Variants in TSC2 observed in about 807,000 individuals in gnomAD.
The protein encoded by TSC2 is TSC complex subunit 2, also known as tuberin.
A neutral mutation model predicts 202.2 loss-of-function variants in TSC2; 29 were observed. That is an observed-to-expected ratio of 0.14 (90% confidence interval 0.11 to 0.20). The LOEUF (loss-of-function observed/expected upper bound fraction) is 0.20, where lower values mean the gene tolerates loss of function less well. Among genes scored for constraint, TSC2 ranks in the 10% least tolerant of loss-of-function variants. The probability of loss-of-function intolerance (pLI) is 1.00; values close to 1 mark genes in which losing one functional copy is unlikely to be tolerated. For missense variants in TSC2, 2,429 were observed against 2,420.0 expected (o/e 1.00, Z -0.08); for synonymous variants, 1,349 against 1,044.0 (o/e 1.29, Z -5.63).
chr16:2,084,152 A>G, intron 33 of TSC2, 76 bp from the exon 34 acceptor site: 27 of 1,548,896 alleles, frequency 1.7e-5, no homozygotes, highest in Non-Finnish European at 2.3e-5. Flanking sequence ...ATAGGGCCTC[A>G]CCACCTCCAG....
At chr16:2,058,349 C>G (rs1472275099) in intron 9 of TSC2, among the ~76,000 whole-genome samples, 1 of 152,254 alleles carries the variant, frequency 6.6e-6, no homozygotes, top group Non-Finnish European at 1.5e-5. Context: ...AGCGTGGTCA[C>G]TGACTCCCCC....
Position 2,086,885 on chromosome 16 carries a change from C to T in TSC2, c.4989+14C>T, listed in dbSNP as rs187363476. The T allele has an allele frequency of 2.6e-5, 41 of 1,570,464 alleles. No individual in the cohort carries two copies. Among genetic ancestry groups the T allele is most frequent in the Middle Eastern group, 1.9e-4 (1 of 5,140 alleles). ...GGCACCATCAAGGTGAGTGAGGGGC[C>T]GTCAGTGAGGCTGGGCCCCAGGCAG... On this transcript the variant is annotated intron_variant, in intron 38 of 41. Transcript: ENST00000219476.
chr16:2,070,616 C>G (rs761531032), intron 17 of TSC2, 38 bp downstream of exon 17: 2 of 1,612,332 alleles, frequency 1.2e-6, no homozygotes, highest in Non-Finnish European at 1.7e-6. Flanking sequence ...TTCCTGGGGG[C>G]CCAGCCAGGT....
intron 3 of TSC2, among the ~76,000 whole-genome samples, chr16:2,050,775 G>A (rs1389848446): frequency 6.6e-6 from 1 of 151,850 alleles, no homozygotes; most frequent in South Asian, 2.1e-4. Context: ...TTTTAGTAGA[G>A]ACGGGGTTTC....
rs775002578 is a variant in TSC2, at chr16:2,079,515, C to T, written c.3285-42C>T. On this transcript the variant is annotated intron_variant, in intron 28 of 41. Transcript: ENST00000219476. The surrounding 1 kb of genome is among the most constrained non-coding windows in gnomAD (Gnocchi z 4.6). ...GCCCACGTGGCACCCTCGTACCAGC[C>T]TGGGGACTAAGTCCACCCTGTGCGT... The T allele has an allele frequency of 1.2e-6, 2 of 1,605,944 alleles. No homozygotes were observed. The highest frequency in any genetic ancestry group is 2.7e-5 in the African/African-American group (2 of 74,828).
chr16:2,076,532 C>T lies in TSC2; in HGVS notation c.2784C>T (p.Pro928=), dbSNP rs45517267. The change falls in exon 25 of 42, where the codon CCC becomes CCT. Residue 928 remains proline, a synonymous_variant. Coordinates refer to ENST00000219476, the MANE Select transcript of TSC2 (RefSeq NM_000548.5). ...TCCTCTTGTCTTTTGATGACACCCC[C>T]GAGAAGGACAGCTTCAGGGCCCGGA... ...SNVLLSFDDT[P]EKDSFRARST... 2.0e-4 allele frequency: 316 copies of T among 1,613,526 alleles called. No homozygotes were observed. In the African/African-American group the frequency reaches 3.1e-3, roughly 16 times the overall value.
At chr16:2,086,410 C>T (rs2151577998) in intron 37 of TSC2, 31 bp downstream of exon 37, 2 of 1,605,484 alleles carry the variant, frequency 1.2e-6, no homozygotes, top group Non-Finnish European at 1.7e-6. Context: ...GCTCCTGCTG[C>T]CCCAGGCCTC....
chr16:2,053,251 C>G, intron 3 of TSC2, 91 bp from the exon 4 acceptor site: 1 of 1,317,572 alleles, frequency 7.6e-7, no homozygotes, highest in Non-Finnish European at 1.1e-6. Context: ...CGTTGTTCCT[C>G]CCTGTCCTCC....
chr16:2,053,322 G>A lies in TSC2; in HGVS notation c.226-20G>A, dbSNP rs753647216. The A allele has an allele frequency of 3.2e-6, 5 of 1,563,268 alleles. No individual in the cohort carries two copies. Among genetic ancestry groups the A allele is most frequent in the Non-Finnish European group, 4.3e-6 (5 of 1,154,766 alleles). Reference sequence around the variant, plus strand: ...TCTTGGAGAGCACATCCTCACCGCTGTCCCCTCTGCTGGTGACAGCACGCA... The same window carrying A: ...TCTTGGAGAGCACATCCTCACCGCTATCCCCTCTGCTGGTGACAGCACGCA... On this transcript the variant is annotated intron_variant, in intron 3 of 41. Transcript: ENST00000219476.
In TSC2 at chr16:2,088,155, T is replaced by C. The variant is rs745343792; in HGVS notation, c.5160+16T>C. ...GCACGCAAATGTGAGTGGGGGTGGG[T>C]CCAGGCGTGAGCTGGTGGGACAGGC... On this transcript the variant is annotated intron_variant, in intron 40 of 41. Coordinates refer to ENST00000219476, the MANE Select transcript of TSC2 (RefSeq NM_000548.5). 58 of 1,612,738 alleles carry C rather than the reference T, an allele frequency of 3.6e-5. No individual in the cohort carries two copies. The highest frequency in any genetic ancestry group is 4.8e-5 in the Non-Finnish European group (57 of 1,179,970).
chr16:2,070,699 C>T, intron 17 of TSC2, 121 bp downstream of exon 17: 1 of 1,506,892 alleles, frequency 6.6e-7, no homozygotes, highest in Non-Finnish European at 8.9e-7. Flanking sequence ...GCTGACCGTC[C>T]CTCCTCTGCA....
Position 2,085,425 on chromosome 16 carries a change from C to G in TSC2, c.4662+103C>G, listed in dbSNP as rs764940885. On this transcript the variant is annotated intron_variant, in intron 36 of 41. Coordinates refer to ENST00000219476, the MANE Select transcript of TSC2 (RefSeq NM_000548.5). ...CCCCAACGCCCCACAGAGCTCAACACTGCCGGGTCCCCTACAGCATGAAGT... is the reference window on the plus strand; with the variant it reads ...CCCCAACGCCCCACAGAGCTCAACAGTGCCGGGTCCCCTACAGCATGAAGT... 364 of 1,230,336 alleles carry G rather than the reference C, an allele frequency of 3.0e-4. 1 individual carries two copies. The highest frequency in any genetic ancestry group is 6.5e-4 in the Admixed American group (35 of 53,948). The allele number at this position is 1,230,336 out of a possible 1,614,324, so 76.2% of individuals were successfully genotyped here. A position where few individuals can be genotyped will look rare whatever the true frequency, so the allele number is the denominator to read the frequency against.
chr16:2,062,659 G>A, intron 13 of TSC2, 59 bp downstream of exon 13: 1 of 1,523,262 alleles, frequency 6.6e-7, no homozygotes, highest in Non-Finnish European at 8.9e-7. Context: ...CTCTGTCTGG[G>A]GCCCACCCGG....
chr16:2,078,765 C>T, intron 26 of TSC2: 1 of 537,138 alleles, frequency 1.9e-6, no homozygotes, highest in Non-Finnish European at 3.4e-6. Context: ...CTCCCGTGGG[C>T]TTCGGTGAGG....
chr16:2,070,819 A>G (rs1163503489), intron 17 of TSC2, among the ~76,000 whole-genome samples: 1 of 152,154 alleles, frequency 6.6e-6, no homozygotes, highest in East Asian at 1.9e-4. Context: ...TGGGGCAGAG[A>G]AAAGGACGCA....
At chr16:2,057,321 G>C (rs78160478) in intron 9 of TSC2, 143 bp downstream of exon 9, 1 of 933,354 alleles carries the variant, frequency 1.1e-6, no homozygotes, top group African/African-American at 1.6e-5. Flanking sequence ...CTAGAGCGAG[G>C]CCCATGACTT....
intron 2 of TSC2, 28 bp from the exon 3 acceptor site, chr16:2,050,372 C>T (rs767295844): frequency 1.2e-6 from 2 of 1,608,528 alleles, no homozygotes; most frequent in East Asian, 4.5e-5. Flanking sequence ...GAGCACTGGC[C>T]CCTTTTTCTT....
rs1352451539 is a variant in TSC2, at chr16:2,088,860, CACACTCGCGCGT to C, written c.*251_*262del. The stretch of plus-strand genomic sequence containing the variant: ...CCTTGAGGCTGCCTGGGCCATACAG[CACACTCGCGCGT>C]GCGCGCGCGCACACACACACACACA... On this transcript the variant is annotated 3_prime_UTR_variant, in exon 42 of 42. Transcript: ENST00000219476. 3 of 555,120 alleles carry C rather than the reference CACACTCGCGCGT, an allele frequency of 5.4e-6. No homozygotes were observed. The African/African-American group carries it at 6.3e-5, about 12-fold the overall frequency. 34.4% of individuals were successfully genotyped at this position (555,120 alleles called of 1,614,324 possible). A position where few individuals can be genotyped will look rare whatever the true frequency, so the allele number is the denominator to read the frequency against.
In TSC2 at chr16:2,076,411, AG is replaced by A. The variant is rs371032932; in HGVS notation, c.2743-75del. ...CCTAGCCTGCAGCTTGTCCCTGGCC[AG>A]GGGGCACCCGGCAGGCCTGGTGAGG... On this transcript the variant is annotated intron_variant, in intron 24 of 41. Transcript: ENST00000219476. 2.7e-4 allele frequency: 425 copies of A among 1,596,214 alleles called. No individual in the cohort carries two copies. In the African/African-American group the frequency reaches 5.0e-3, roughly 19 times the overall value.
Sources: gnomAD v4.1 joint callset for allele counts (sites outside exome capture counted in the v4.1 genomes callset) on GRCh38, gnomAD v4.1.1 for gene constraint, Gnocchi (gnomAD v3.1) non-coding constraint, MANE v1.5 for transcripts, NCBI Gene and HGNC (gene_info 2026-07-23, HGNC 2026-07-21) for gene names.